Variants in UEVLD observed in about 807,000 individuals in gnomAD.
UEVLD encodes ubiquitin-conjugating enzyme E2 variant 3.
A neutral mutation model predicts 58.6 loss-of-function variants in UEVLD; 47 were observed. That is an observed-to-expected ratio of 0.80 (90% CI 0.63 to 1.02). The LOEUF (loss-of-function observed/expected upper bound fraction) is 1.02, where lower values mean the gene tolerates loss of function less well. Ranked by LOEUF, UEVLD falls within the 50% of genes least tolerant of loss-of-function variation. The pLI is 0.00. For missense variants in UEVLD, 510 were observed against 550.6 expected, an observed-to-expected ratio of 0.93 and a Z score of 0.74; for synonymous variants, 197 against 195.3, an observed-to-expected ratio of 1.01 and a Z score of -0.07.
intron 3 of UEVLD, among the ~76,000 whole-genome samples, chr11:18,571,795 T>C (rs1477779104): frequency 6.6e-6 from 1 of 152,096 alleles, no homozygotes; most frequent in Non-Finnish European, 1.5e-5. Context: ...TGCAAGACCC[T>C]GGTGTGGTAG....
chr11:18,565,510 T>C (rs771214448), intron 5 of UEVLD, among the ~76,000 whole-genome samples: 14 of 152,346 alleles, frequency 9.2e-5, no homozygotes, highest in Middle Eastern at 3.4e-3. Context: ...AATTGTTTTA[T>C]CTGTTTAAGA....
chr11:18,559,488 T>C (rs1851911645), intron 6 of UEVLD, among the ~76,000 whole-genome samples: 1 of 152,130 alleles, frequency 6.6e-6, no homozygotes, highest in Non-Finnish European at 1.5e-5. Context: ...CATGAGCCAC[T>C]ATGCCTGGCC....
intron 1 of UEVLD, among the ~76,000 whole-genome samples, chr11:18,583,390 T>G (rs1473550240): frequency 1.3e-5 from 2 of 151,982 alleles, no homozygotes; most frequent in African/African-American, 2.4e-5. Context: ...CTGGCTTTTT[T>G]GTGTTTTTAG....
chr11:18,587,786 G>C (rs1207043528), intron 1 of UEVLD: 6 of 150,352 alleles, frequency 4.0e-5, no homozygotes, highest in Non-Finnish European at 7.4e-5. Context: ...CTGGGGGACA[G>C]AGCAAGACTC....
chr11:18,569,454 G>A (rs540438693), intron 4 of UEVLD, among the ~76,000 whole-genome samples: 1 of 152,132 alleles, frequency 6.6e-6, no homozygotes, highest in South Asian at 2.1e-4. Context: ...TGAAAATATT[G>A]AAAACCTTTG....
intron 7 of UEVLD, among the ~76,000 whole-genome samples, chr11:18,552,910 C>T (rs1244387400): frequency 4.0e-5 from 6 of 151,688 alleles, no homozygotes; most frequent in African/African-American, 1.5e-4. Context: ...AATCCCAGCA[C>T]TTTGGGAGGC....
chr11:18,585,142 T>C (rs1045247464), intron 1 of UEVLD, among the ~76,000 whole-genome samples: 8 of 152,068 alleles, frequency 5.3e-5, no homozygotes, highest in African/African-American at 1.4e-4. Flanking sequence ...CTGCCTGTCT[T>C]GGCCTCCCAA....
chr11:18,539,791 C>T (rs1850979045), intron 9 of UEVLD, among the ~76,000 whole-genome samples: 1 of 152,154 alleles, frequency 6.6e-6, no homozygotes, highest in Non-Finnish European at 1.5e-5. Flanking sequence ...GCAAGTCAAC[C>T]ACCTGACTAG....
intron 6 of UEVLD, among the ~76,000 whole-genome samples, chr11:18,560,692 A>G (rs780506607): frequency 1.6e-4 from 24 of 152,162 alleles, no homozygotes; most frequent in Non-Finnish European, 3.1e-4. Flanking sequence ...CGTGAAGCAT[A>G]TATTATCACC....
At chr11:18,575,536 T>A (rs867871872) in intron 2 of UEVLD, 124 bp from the exon 3 acceptor site, 8 of 870,866 alleles carry the variant, frequency 9.2e-6, no homozygotes, top group Middle Eastern at 6.7e-4. Flanking sequence ...ACACAATCTC[T>A]AAACATAATC....
chr11:18,547,196 AT>A, intron 7 of UEVLD, 146 bp from the exon 8 acceptor site: 1 of 800,928 alleles, frequency 1.2e-6, no homozygotes, highest in Non-Finnish European at 1.9e-6. Flanking sequence ...ACAAAAGCAT[AT>A]AAAATGCGGA....
chr11:18,554,978 T>C (rs919032702), intron 7 of UEVLD, among the ~76,000 whole-genome samples: 1 of 152,168 alleles, frequency 6.6e-6, no homozygotes, highest in Non-Finnish European at 1.5e-5. Context: ...AGAAGTCAGT[T>C]AACATTACAT....
At chr11:18,572,493 T>C (rs766087920) in intron 3 of UEVLD, among the ~76,000 whole-genome samples, 1 of 152,010 alleles carries the variant, frequency 6.6e-6, no homozygotes, top group Non-Finnish European at 1.5e-5. Flanking sequence ...TAAAACTAGT[T>C]AACTAAAAGA....
At chr11:18,558,898 G>A (rs1027155299) in intron 6 of UEVLD, among the ~76,000 whole-genome samples, 2 of 152,066 alleles carry the variant, frequency 1.3e-5, no homozygotes. Context: ...TTTGAGAACA[G>A]CATTTCACTC....
chr11:18,586,040 C>T (rs1407586571), intron 1 of UEVLD, among the ~76,000 whole-genome samples: 2 of 152,030 alleles, frequency 1.3e-5, no homozygotes, highest in African/African-American at 4.8e-5. Flanking sequence ...ATGCATTGAC[C>T]CTATAGATAA....
intron 1 of UEVLD, among the ~76,000 whole-genome samples, chr11:18,585,648 T>A (rs962145846): frequency 3.0e-4 from 45 of 151,940 alleles, no homozygotes; most frequent in African/African-American, 6.7e-4. Context: ...TATTATTTTT[T>A]TTTTTTTGAG....
chr11:18,544,899 A>G (rs1166750309), intron 8 of UEVLD, 103 bp from the exon 9 acceptor site: 6 of 717,872 alleles, frequency 8.4e-6, no homozygotes, highest in East Asian at 6.9e-5. Flanking sequence ...TAGGTCCTCA[A>G]TGCACTGAGG....
At chr11:18,564,770 A>G (rs1852214020) in intron 6 of UEVLD, 122 bp downstream of exon 6, 1 of 636,790 alleles carries the variant, frequency 1.6e-6, no homozygotes, top group Non-Finnish European at 2.6e-6. Flanking sequence ...TACTAAATAT[A>G]TTTTAAGCCA....
In UEVLD at chr11:18,564,069, C is replaced by T. The variant is rs143665388; in HGVS notation, c.612+823G>A. On this transcript the variant is annotated intron_variant, in intron 6 of 11. Coordinates refer to ENST00000396197, the MANE Select transcript of UEVLD (RefSeq NM_001040697.4). ...ATGGAGGGTGAAAGAAATAAAACTA[C>T]AGCATGCCAAAAGTTGGCATATTTA... The T allele has an allele frequency of 5.2e-3, 1,181 of 225,420 alleles. 15 individuals are homozygous for T. The highest frequency in any genetic ancestry group is 0.026 in the African/African-American group (1,114 of 42,252). 14.0% of individuals were successfully genotyped at this position (225,420 alleles called of 1,614,324 possible).
Sources: allele counts gnomAD v4.1 joint callset (sites outside exome capture counted in the v4.1 genomes callset), GRCh38; gene constraint gnomAD v4.1.1; transcripts MANE v1.5; gene names NCBI Gene and HGNC (gene_info 2026-07-23, HGNC 2026-07-21).